SLC7A2: variants seen among roughly 807,000 people sequenced by gnomAD.
The protein encoded by SLC7A2 is cationic amino acid transporter 2.
A neutral mutation model predicts 58.9 loss-of-function variants in SLC7A2; 48 were observed. The observed-to-expected ratio is 0.82, with a 90% CI of 0.65 to 1.04. The LOEUF (loss-of-function observed/expected upper bound fraction) is 1.04. SLC7A2 is among the 50% of genes least tolerant of loss of function. The probability of loss-of-function intolerance (pLI) is 0.00; values close to 1 mark genes in which losing one functional copy is unlikely to be tolerated. For synonymous variants in SLC7A2, 363 were observed against 314.5 expected, an observed-to-expected ratio of 1.15 and a Z score of -1.63; for missense variants, 1,029 against 818.8, an observed-to-expected ratio of 1.26 and a Z score of -3.13.
rs1803322605 is a variant in SLC7A2, at chr8:17,567,560, G to T, written c.*2414G>T. Reference sequence around the variant, plus strand: ...TGTTAACAGTTACATATGTTTGTATGAGTGTATATATATATCTGTGTGTGT... The same window carrying T: ...TGTTAACAGTTACATATGTTTGTATTAGTGTATATATATATCTGTGTGTGT... On this transcript the variant is annotated 3_prime_UTR_variant, in exon 13 of 13. Transcript: ENST00000494857. The T allele has an allele frequency of 6.8e-6, 1 of 146,282 alleles. No homozygotes were observed. The highest frequency in any genetic ancestry group is 2.7e-5 in the African/African-American group (1 of 36,408). 9.1% of individuals were successfully genotyped at this position (146,282 alleles called of 1,614,324 possible). A position where few individuals can be genotyped will look rare whatever the true frequency, so the allele number is the denominator to read the frequency against.
Position 17,544,485 on chromosome 8 carries a change from C to A in SLC7A2, c.411C>A (p.Thr137=). ...TSSVARAWSG[T]FDELLSKQIG... is the part of the protein sequence containing the mutation. The stretch of plus-strand genomic sequence containing the variant: ...GTGTTGCAAGAGCCTGGAGTGGCAC[C>A]TTTGATGAACTTCTTAGCAAACAGA... The change falls in exon 4 of 13, where the codon ACC becomes ACA. Residue 137 remains threonine, a synonymous_variant. Coordinates refer to ENST00000494857, the MANE Select transcript of SLC7A2 (RefSeq NM_001370338.1). The A allele has an allele frequency of 6.2e-7, 1 of 1,613,974 alleles. No homozygotes were observed. The highest frequency in any genetic ancestry group is 1.1e-5 in the South Asian group (1 of 91,038).
chr8:17,506,686 A>G (rs1045879731), intron 2 of SLC7A2, among the ~76,000 whole-genome samples: 3 of 152,232 alleles, frequency 2.0e-5, no homozygotes, highest in African/African-American at 7.2e-5. Context: ...GAGTCCAAGC[A>G]TATTGAAAAG....
intron 2 of SLC7A2, chr8:17,539,064 A>C (rs1801798297): frequency 8.4e-6 from 6 of 713,180 alleles, no homozygotes; most frequent in South Asian, 1.8e-5. Context: ...GTGAAAATCC[A>C]GGATCAACTT....
At chr8:17,539,880 A>G (rs1485034451) in intron 2 of SLC7A2, among the ~76,000 whole-genome samples, 1 of 152,216 alleles carries the variant, frequency 6.6e-6, no homozygotes, top group Non-Finnish European at 1.5e-5. Flanking sequence ...TTTCTTGGGC[A>G]GTAAGTCCCC....
At chr8:17,542,164 A>T (rs759094879) in intron 2 of SLC7A2, among the ~76,000 whole-genome samples, 1 of 152,248 alleles carries the variant, frequency 6.6e-6, no homozygotes, top group South Asian at 2.1e-4. Flanking sequence ...AAAAGTTCAC[A>T]TCTGCTTCAC....
chr8:17,529,442 A>G (rs902149148), intron 2 of SLC7A2, among the ~76,000 whole-genome samples: 1 of 152,032 alleles, frequency 6.6e-6, no homozygotes, highest in African/African-American at 2.4e-5. Flanking sequence ...AAGAGGACAC[A>G]TTGTATAAGC....
At chr8:17,562,143 C>T in intron 11 of SLC7A2, 33 bp downstream of exon 11, 3 of 1,394,472 alleles carry the variant, frequency 2.2e-6, no homozygotes, top group Non-Finnish European at 2.9e-6. Flanking sequence ...ACCCAAAATA[C>T]TGTATTCATT....
At chr8:17,502,507 C>G (rs372314207) in intron 2 of SLC7A2, among the ~76,000 whole-genome samples, 2 of 152,154 alleles carry the variant, frequency 1.3e-5, no homozygotes, top group Admixed American at 6.5e-5. Context: ...TACTGGACTT[C>G]AATTCCTATA....
At chr8:17,497,525 G>A (rs766970295) in intron 1 of SLC7A2, among the ~76,000 whole-genome samples, 6 of 152,202 alleles carry the variant, frequency 3.9e-5, no homozygotes, top group African/African-American at 1.2e-4. Context: ...CTGTGCAGCC[G>A]GCTCTGCCCG....
At chr8:17,554,936 T>G in intron 8 of SLC7A2, 1 of 1,613,534 alleles carries the variant, frequency 6.2e-7, no homozygotes. Context: ...TTTGAATTTT[T>G]CTGTTCTAGT....
intron 10 of SLC7A2, among the ~76,000 whole-genome samples, 174 bp from the exon 11 acceptor site, chr8:17,561,770 A>G (rs1051366680): frequency 6.6e-6 from 1 of 152,222 alleles, no homozygotes; most frequent in Non-Finnish European, 1.5e-5. Flanking sequence ...AATCCCTGCA[A>G]CTGGACATCT....
chr8:17,554,890 G>T, intron 8 of SLC7A2, 191 bp downstream of exon 8: 1 of 1,598,600 alleles, frequency 6.3e-7, no homozygotes, highest in Non-Finnish European at 8.6e-7. Context: ...GTCTATACCT[G>T]TCTAGAATAA....
At chr8:17,535,387 T>G (rs987291856) in intron 2 of SLC7A2, among the ~76,000 whole-genome samples, 1 of 152,140 alleles carries the variant, frequency 6.6e-6, no homozygotes, top group Non-Finnish European at 1.5e-5. Flanking sequence ...TAACTACCTG[T>G]ATCCCCGTCA....
In SLC7A2 at chr8:17,519,236, G is replaced by A. The variant is rs145758855; in HGVS notation, c.-23+16934G>A. On this transcript the variant is annotated intron_variant, in intron 2 of 12. Coordinates refer to ENST00000494857, the MANE Select transcript of SLC7A2 (RefSeq NM_001370338.1). ...AAGCACTTACCTCATAGGGTTGATA[G>A]GTAATTCAGTTAGGTTTATATATGT... is the stretch of plus-strand genomic sequence containing the variant. Among the ~76,000 whole-genome samples the A allele has an allele frequency of 4.5e-3, 691 of 152,262 alleles. 6 individuals carry two copies. The highest frequency in any genetic ancestry group is 0.016 in the African/African-American group (654 of 41,542).
At chr8:17,515,299 CTTTTTTTTTTT>C (rs568764967) in intron 2 of SLC7A2, among the ~76,000 whole-genome samples, 1 of 138,232 alleles carries the variant, frequency 7.2e-6, no homozygotes. Context: ...ACATCTTTTT[CTTTTTTTTTTT>C]TTTTAAGATG....
chr8:17,550,243 A>G, intron 5 of SLC7A2, 58 bp from the exon 6 acceptor site: 1 of 1,552,592 alleles, frequency 6.4e-7, no homozygotes, highest in Non-Finnish European at 8.8e-7. Flanking sequence ...GAGAAAAGTC[A>G]CCAGAAGGAG....
At chr8:17,534,752 G>A (rs1327126101) in intron 2 of SLC7A2, among the ~76,000 whole-genome samples, 2 of 149,376 alleles carry the variant, frequency 1.3e-5, no homozygotes, top group African/African-American at 4.9e-5. Flanking sequence ...AAGTTACACT[G>A]AAGTCAATCT....
chr8:17,510,504 G>T (rs1378814976), intron 2 of SLC7A2: 3 of 152,106 alleles, frequency 2.0e-5, no homozygotes, highest in African/African-American at 7.2e-5. Flanking sequence ...ATTGTTTCTT[G>T]ACTTGTTAAT....
At chr8:17,495,796 C>T (rs1474048889), upstream of SLC7A2, among the ~76,000 whole-genome samples, 1 of 152,196 alleles carries the variant, frequency 6.6e-6, no homozygotes, top group Non-Finnish European at 1.5e-5. Flanking sequence ...GTGATCGGCG[C>T]GCCTCGGCGT....
Sources: allele counts gnomAD v4.1 joint callset (sites outside exome capture counted in the v4.1 genomes callset), GRCh38; gene constraint gnomAD v4.1.1; transcripts MANE v1.5; gene names NCBI Gene and HGNC (gene_info 2026-07-23, HGNC 2026-07-21).